The following MACROD2 variants were observed in gnomAD, a reference collection of about 807,000 sequenced individuals.
The protein encoded by MACROD2 is ADP-ribose glycohydrolase MACROD2.
MACROD2 carries 36 observed loss-of-function variants against 70.4 expected under a neutral mutation model. The ratio of observed to expected loss-of-function variants is 0.51; its 90% CI spans 0.39 to 0.68. The LOEUF is 0.68. Among genes scored for constraint, MACROD2 ranks in the 30% least tolerant of loss-of-function variants. The pLI, the probability that MACROD2 is intolerant of heterozygous loss-of-function variation, is 0.00. For missense variants in MACROD2, 496 were observed against 538.4 expected (o/e 0.92, Z 0.78); for synonymous variants, 172 against 178.8 (o/e 0.96, Z 0.30).
chr20:15,302,940 A>C (rs1052705625), intron 6 of MACROD2, among the ~76,000 whole-genome samples: 4 of 152,100 alleles, frequency 2.6e-5, no homozygotes, highest in Non-Finnish European at 4.4e-5. Flanking sequence ...AAGTTACTTA[A>C]CCTCCCTAAG....
At chr20:15,170,437 T>G (rs2076414969) in intron 5 of MACROD2, among the ~76,000 whole-genome samples, 1 of 152,158 alleles carries the variant, frequency 6.6e-6, no homozygotes, top group Non-Finnish European at 1.5e-5. Flanking sequence ...AGGACCAGCT[T>G]CTGGAGAGAA....
At chr20:15,221,425 T>A (rs970010978) in intron 5 of MACROD2, among the ~76,000 whole-genome samples, 1 of 152,206 alleles carries the variant, frequency 6.6e-6, no homozygotes, top group African/African-American at 2.4e-5. Context: ...TTCCCACATT[T>A]CCTCTGAGAC....
intron 7 of MACROD2, among the ~76,000 whole-genome samples, chr20:15,470,512 C>T (rs1349813136): frequency 1.3e-5 from 2 of 152,162 alleles, no homozygotes; most frequent in East Asian, 1.9e-4. Flanking sequence ...ATGTCATCTC[C>T]CTGCCACCTG....
intron 5 of MACROD2, among the ~76,000 whole-genome samples, chr20:15,024,860 T>C (rs1057049375): frequency 1.5e-4 from 23 of 152,316 alleles, no homozygotes; most frequent in South Asian, 1.0e-3. Context: ...AGAGATTGCT[T>C]TTCCCTCAAG....
intron 8 of MACROD2, among the ~76,000 whole-genome samples, chr20:15,793,740 G>A (rs1445319482): frequency 6.7e-6 from 1 of 149,742 alleles, no homozygotes; most frequent in Non-Finnish European, 1.5e-5. Flanking sequence ...AGTTAGATTG[G>A]CTTGTGTGGT....
chr20:14,396,458 A>C (rs1262923408), intron 3 of MACROD2, among the ~76,000 whole-genome samples: 1 of 152,242 alleles, frequency 6.6e-6, no homozygotes, highest in East Asian at 1.9e-4. Context: ...ATCATAGTGA[A>C]ACCTTCTTTA....
chr20:15,585,205 T>TC (rs1380762656), intron 8 of MACROD2, among the ~76,000 whole-genome samples: 1 of 150,336 alleles, frequency 6.7e-6, no homozygotes, highest in Non-Finnish European at 1.5e-5. Flanking sequence ...TTTTTTTCTT[T>TC]TTTTTTTTTT....
chr20:14,214,540 G>T (rs2081598314), intron 3 of MACROD2, among the ~76,000 whole-genome samples: 1 of 148,054 alleles, frequency 6.8e-6, no homozygotes, highest in African/African-American at 2.5e-5. Context: ...CATTTAACCT[G>T]ATATAATTTT....
intron 12 of MACROD2, among the ~76,000 whole-genome samples, chr20:15,965,449 A>G (rs1249765578): frequency 6.6e-6 from 1 of 152,172 alleles, no homozygotes; most frequent in African/African-American, 2.4e-5. Context: ...GGGCAGAATC[A>G]TAATGTTTAT....
intron 6 of MACROD2, among the ~76,000 whole-genome samples, chr20:15,279,833 T>C (rs1017027712): frequency 6.6e-6 from 1 of 152,134 alleles, no homozygotes; most frequent in Non-Finnish European, 1.5e-5. Context: ...TTTAACCCAG[T>C]GCAAAAAAAT....
intron 8 of MACROD2, among the ~76,000 whole-genome samples, chr20:15,549,158 G>T (rs2048063545): frequency 6.6e-6 from 1 of 152,190 alleles, no homozygotes; most frequent in Non-Finnish European, 1.5e-5. Flanking sequence ...AATAATAGCA[G>T]AAATAAAAAC....
At chr20:15,848,176 G>T (rs2064254583) in intron 8 of MACROD2, among the ~76,000 whole-genome samples, 1 of 152,102 alleles carries the variant, frequency 6.6e-6, no homozygotes, top group Admixed American at 6.6e-5. Flanking sequence ...AAAATATGTT[G>T]AAACATCTGT....
At chr20:15,403,789 G>C (rs938891460) in intron 6 of MACROD2, among the ~76,000 whole-genome samples, 1 of 152,096 alleles carries the variant, frequency 6.6e-6, no homozygotes, top group Non-Finnish European at 1.5e-5. Context: ...ACAATGAAAG[G>C]CCCATCCTAA....
chr20:15,092,088 T>C (rs915832318), intron 5 of MACROD2, among the ~76,000 whole-genome samples: 1 of 152,182 alleles, frequency 6.6e-6, no homozygotes, highest in Non-Finnish European at 1.5e-5. Flanking sequence ...AAACAGATTA[T>C]ATTGCCGTTT....
At chr20:15,686,627 C>T (rs1353073029) in intron 8 of MACROD2, among the ~76,000 whole-genome samples, 1 of 152,128 alleles carries the variant, frequency 6.6e-6, no homozygotes, top group Non-Finnish European at 1.5e-5. Flanking sequence ...AATCCCAGCA[C>T]TTTGGGAGGC....
chr20:16,017,163 A>G (rs533582270), intron 15 of MACROD2, among the ~76,000 whole-genome samples: 1 of 152,212 alleles, frequency 6.6e-6, no homozygotes, highest in African/African-American at 2.4e-5. Flanking sequence ...TCTGATATCA[A>G]TTTCCTTAAT....
intron 3 of MACROD2, among the ~76,000 whole-genome samples, chr20:14,241,192 G>A (rs1488406284): frequency 6.6e-6 from 1 of 152,182 alleles, no homozygotes; most frequent in African/African-American, 2.4e-5. Flanking sequence ...TTCTTTTGGA[G>A]CTTAGTATAT....
intron 5 of MACROD2, among the ~76,000 whole-genome samples, chr20:14,956,922 T>TTCGG (rs2074541658): frequency 6.6e-6 from 1 of 152,166 alleles, no homozygotes; most frequent in Admixed American, 6.5e-5. Flanking sequence ...TTTCTCAGAC[T>TTCGG]TCGGTCACAT....
chr20:15,218,782 C>G (rs183925722), intron 5 of MACROD2, among the ~76,000 whole-genome samples: 113 of 152,232 alleles, frequency 7.4e-4, no homozygotes, highest in African/African-American at 2.6e-3. Flanking sequence ...GTTAAAATTA[C>G]TCTTAAAAAT....
Sources: gnomAD v4.1 joint callset for allele counts (sites outside exome capture counted in the v4.1 genomes callset) on GRCh38, gnomAD v4.1.1 for gene constraint, MANE v1.5 for transcripts, NCBI Gene and HGNC (gene_info 2026-07-23, HGNC 2026-07-21) for gene names.